TNKS2: variants seen among roughly 807,000 people sequenced by gnomAD.
TNKS2 encodes tankyrase 2, also known as poly [ADP-ribose] polymerase tankyrase-2.
Under a neutral mutation model 137.6 loss-of-function variants are expected in TNKS2, and 72 were observed. The observed-to-expected ratio is 0.52, with a 90% CI of 0.43 to 0.64. The LOEUF (loss-of-function observed/expected upper bound fraction) is 0.64, where lower values mean the gene tolerates loss of function less well. Among genes scored for constraint, TNKS2 ranks in the 30% least tolerant of loss-of-function variants. The pLI is 0.00. For missense variants in TNKS2, 1,049 were observed against 1,410.2 expected, an observed-to-expected ratio of 0.74 and a Z score of 4.10; for synonymous variants, 516 against 512.1, an observed-to-expected ratio of 1.01 and a Z score of -0.10.
rs142878785 is a variant in TNKS2 at position 91,850,087 on chromosome 10, C to T, written c.2694+493C>T. On this transcript the variant is annotated intron_variant, in intron 20 of 26. Coordinates refer to ENST00000371627, the MANE Select transcript of TNKS2 (RefSeq NM_025235.4). ...TGGAATTAGAATAAGAACATATGGC[C>T]GGGTGCAGTGGCTCACGCCTGTAAT... Among the ~76,000 whole-genome samples the T allele has an allele frequency of 2.8e-4, 42 of 152,142 alleles. 1 individual carries two copies. The highest frequency in any genetic ancestry group is 6.8e-3 in the Middle Eastern group (2 of 292).
At chr10:91,817,101 A>G in intron 2 of TNKS2, 33 bp from the exon 3 acceptor site, 1 of 1,479,132 alleles carries the variant, frequency 6.8e-7, no homozygotes. Flanking sequence ...TAAGATTACC[A>G]TTGAACTTCA....
At chr10:91,800,087 C>G (rs1844113005) in intron 1 of TNKS2, among the ~76,000 whole-genome samples, 1 of 152,048 alleles carries the variant, frequency 6.6e-6, no homozygotes, top group African/African-American at 2.4e-5. Flanking sequence ...TCAATTGCAC[C>G]TTTGTTGGAT....
chr10:91,819,233 T>C, intron 3 of TNKS2, 37 bp from the exon 4 acceptor site: 1 of 1,277,676 alleles, frequency 7.8e-7, no homozygotes, highest in Non-Finnish European at 1.0e-6. Context: ...AATTTTTCTT[T>C]TTAATTTCTA....
chr10:91,829,507 A>C (rs1845169830), intron 9 of TNKS2, among the ~76,000 whole-genome samples: 1 of 152,146 alleles, frequency 6.6e-6, no homozygotes, highest in African/African-American at 2.4e-5. Context: ...AGGTTCCCAG[A>C]GATTTACAGG....
chr10:91,807,229 G>T, intron 1 of TNKS2: 12 of 1,604,114 alleles, frequency 7.5e-6, no homozygotes, highest in Non-Finnish European at 9.4e-6. Context: ...ACCATAAGTC[G>T]CATTAGTTGA....
intron 21 of TNKS2, 85 bp downstream of exon 21, chr10:91,851,421 A>ATGTG (rs1842535031): frequency 1.4e-6 from 2 of 1,452,484 alleles, no homozygotes; most frequent in South Asian, 1.2e-5. Context: ...ATTTAAAAAT[A>ATGTG]TGAGAGAATC....
intron 1 of TNKS2, among the ~76,000 whole-genome samples, chr10:91,811,701 CT>C (rs1322541900): frequency 6.6e-6 from 1 of 152,096 alleles, no homozygotes; most frequent in African/African-American, 2.4e-5. Flanking sequence ...TGTACCATTA[CT>C]TTCTTATCTG....
chr10:91,832,260 T>G (rs1285883147), intron 11 of TNKS2, among the ~76,000 whole-genome samples: 1 of 152,182 alleles, frequency 6.6e-6, no homozygotes, highest in Non-Finnish European at 1.5e-5. Flanking sequence ...TTCATACTTG[T>G]GGTACATTAC....
At chr10:91,824,599 G>T (rs1845006893) in intron 7 of TNKS2, among the ~76,000 whole-genome samples, 1 of 152,150 alleles carries the variant, frequency 6.6e-6, no homozygotes, top group African/African-American at 2.4e-5. Context: ...CTCCAGTAGG[G>T]CCTGAAGTTT....
rs749693458 is a variant in TNKS2 at position 91,813,095 on chromosome 10, T to C, written c.312T>C (p.Ala104=). 1.2e-6 allele frequency: 2 copies of C among 1,614,042 alleles called. No individual in the cohort carries two copies. The highest frequency in any genetic ancestry group is 2.2e-5 in the East Asian group (1 of 44,892). The part of the protein sequence containing the change: ...PLHNACSFGH[A]EVVNLLLRHG... ...ATAATGCATGCTCTTTTGGTCATGC[T>C]GAAGTAGTCAATCTCCTTTTGCGAC... Residue 104 remains alanine, a synonymous_variant, in exon 2 of 27, where the codon GCT becomes GCC. Transcript: ENST00000371627.
intron 13 of TNKS2, 120 bp downstream of exon 13, chr10:91,837,118 A>G (rs1007091433): frequency 5.6e-6 from 5 of 887,558 alleles, no homozygotes. Context: ...TAAAAGGTCA[A>G]TAATACAATC....
chr10:91,858,432 T>G (rs796951604), intron 24 of TNKS2, among the ~76,000 whole-genome samples: 26 of 152,348 alleles, frequency 1.7e-4, no homozygotes, highest in African/African-American at 6.0e-4. Flanking sequence ...CCCAAGTTAA[T>G]TCAAAAAATG....
chr10:91,807,320 A>G (rs1589643394), intron 1 of TNKS2: 1 of 1,614,032 alleles, frequency 6.2e-7, no homozygotes, highest in Non-Finnish European at 8.5e-7. Flanking sequence ...CTGTTACTTT[A>G]ACACACAAGT....
intron 20 of TNKS2, among the ~76,000 whole-genome samples, chr10:91,850,809 A>G (rs964815024): frequency 1.3e-5 from 2 of 152,216 alleles, no homozygotes; most frequent in African/African-American, 4.8e-5. Context: ...TGTAAGTAAA[A>G]CAGGATTTTA....
At chr10:91,802,411 A>T (rs1272245096) in intron 1 of TNKS2, among the ~76,000 whole-genome samples, 1 of 152,344 alleles carries the variant, frequency 6.6e-6, no homozygotes, top group African/African-American at 2.4e-5. Flanking sequence ...AGTCAAAACT[A>T]AGGCCAGCAG....
chr10:91,808,906 C>G (rs960470461), intron 1 of TNKS2, among the ~76,000 whole-genome samples: 2 of 152,110 alleles, frequency 1.3e-5, no homozygotes, highest in Non-Finnish European at 1.5e-5. Flanking sequence ...TCATCTTCTG[C>G]CACAAACCTA....
At chr10:91,857,309 T>A in intron 23 of TNKS2, 116 bp from the exon 24 acceptor site, 1 of 511,450 alleles carries the variant, frequency 2.0e-6, no homozygotes, top group Non-Finnish European at 3.4e-6. Context: ...ACATTTTATA[T>A]TTCAGAGTAC....
intron 13 of TNKS2, among the ~76,000 whole-genome samples, chr10:91,838,906 T>C (rs1240825922): frequency 6.6e-6 from 1 of 152,224 alleles, no homozygotes; most frequent in Non-Finnish European, 1.5e-5. Context: ...TCACTCTTGT[T>C]GCCCAGGCTG....
chr10:91,820,702 G>A (rs1844858424), intron 6 of TNKS2, among the ~76,000 whole-genome samples: 1 of 152,222 alleles, frequency 6.6e-6, no homozygotes, highest in South Asian at 2.1e-4. Context: ...AAAGCAATGT[G>A]TTGGCTAAAT....
Sources: gnomAD v4.1 joint callset for allele counts (sites outside exome capture counted in the v4.1 genomes callset) on GRCh38, gnomAD v4.1.1 for gene constraint, MANE v1.5 for transcripts, NCBI Gene and HGNC (gene_info 2026-07-23, HGNC 2026-07-21) for gene names.